GATC: variants seen among roughly 807,000 people sequenced by gnomAD.
GATC encodes glutamyl-tRNA amidotransferase subunit C, also known as glutamyl-tRNA(Gln) amidotransferase subunit C, mitochondrial.
Under a neutral mutation model 14.4 loss-of-function variants are expected in GATC, and 11 were observed. The ratio of observed to expected loss-of-function variants is 0.77; its 90% confidence interval spans 0.48 to 1.27. The LOEUF is 1.27. Ranked by LOEUF, GATC falls within the 50% of genes most tolerant of loss-of-function variation. The probability of loss-of-function intolerance (pLI) is 0.00; values close to 1 mark genes in which losing one functional copy is unlikely to be tolerated. For synonymous variants in GATC, 76 were observed against 79.3 expected, an observed-to-expected ratio of 0.96 and a Z score of 0.22; for missense variants, 204 against 183.0, an observed-to-expected ratio of 1.11 and a Z score of -0.66.
intron 3 of GATC, among the ~76,000 whole-genome samples, chr12:120,458,223 G>T (rs1230864402): frequency 2.0e-5 from 3 of 151,638 alleles, no homozygotes; most frequent in Non-Finnish European, 4.4e-5. Context: ...CGAGTAGCTG[G>T]GATTACAGGT....
intron 2 of GATC, among the ~76,000 whole-genome samples, chr12:120,455,451 G>A (rs904882374): frequency 7.2e-5 from 11 of 151,986 alleles, no homozygotes; most frequent in Admixed American, 3.3e-4. Flanking sequence ...TTACATGCAA[G>A]AGCCACCACA....
At chr12:120,452,317 CAG>C (rs1381443525) in intron 2 of GATC, among the ~76,000 whole-genome samples, 2 of 152,158 alleles carry the variant, frequency 1.3e-5, no homozygotes, top group Non-Finnish European at 2.9e-5. Flanking sequence ...ATTTGGAACT[CAG>C]AGCTTCTGCT....
intron 2 of GATC, among the ~76,000 whole-genome samples, chr12:120,449,511 G>A (rs546124524): frequency 1.3e-5 from 2 of 152,232 alleles, no homozygotes; most frequent in Admixed American, 6.5e-5. Context: ...AGGCAGTGGC[G>A]TGATCTCGGC....
At chr12:120,448,774 T>G (rs1438986830) in intron 2 of GATC, among the ~76,000 whole-genome samples, 1 of 148,776 alleles carries the variant, frequency 6.7e-6, no homozygotes, top group Non-Finnish European at 1.5e-5. Context: ...GCCTCCCGAG[T>G]AGCTGGGACT....
At chr12:120,455,017 A>T in intron 2 of GATC, 1 of 450,900 alleles carries the variant, frequency 2.2e-6, no homozygotes, top group South Asian at 1.6e-5. Context: ...CCTCCCAGGT[A>T]GCTGGGATTA....
intron 2 of GATC, 43 bp from the exon 3 acceptor site, chr12:120,457,033 C>A (rs1213222346): frequency 7.5e-7 from 1 of 1,325,094 alleles, no homozygotes; most frequent in Non-Finnish European, 1.1e-6. Context: ...CCCTAAAAGC[C>A]CCCTTCTCTG....
chr12:120,459,050 C>T (rs182120637), intron 3 of GATC, among the ~76,000 whole-genome samples: 7 of 152,222 alleles, frequency 4.6e-5, no homozygotes, highest in South Asian at 4.1e-4. Context: ...TTAGTAGAGA[C>T]GGGGTTTCAC....
intron 2 of GATC, among the ~76,000 whole-genome samples, chr12:120,454,142 G>A (rs906556430): frequency 2.6e-5 from 4 of 152,194 alleles, no homozygotes; most frequent in Admixed American, 1.3e-4. Flanking sequence ...TCAGATGCTA[G>A]GCAGGTTGTG....
At chr12:120,457,744 T>G (rs1019957476) in intron 3 of GATC, among the ~76,000 whole-genome samples, 1 of 151,946 alleles carries the variant, frequency 6.6e-6, no homozygotes, top group African/African-American at 2.4e-5. Flanking sequence ...TAGCTGGGAT[T>G]ACAGGCATGC....
chr12:120,456,527 CCCAG>C (rs1878189047), intron 2 of GATC, among the ~76,000 whole-genome samples: 2 of 152,232 alleles, frequency 1.3e-5, no homozygotes, highest in South Asian at 4.2e-4. Context: ...CAGACCACAC[CCCAG>C]CCTGCTAAAC....
rs1877863858 is a variant in GATC, at chr12:120,446,462, G to T, written c.-19G>T. The T allele has an allele frequency of 6.2e-7, 1 of 1,604,978 alleles. No individual in the cohort carries two copies. Among genetic ancestry groups the T allele is most frequent in the South Asian group, 1.1e-5 (1 of 90,556 alleles). ...CGGCGTTACGCGCGGGCGCACTGCGGGGGCCAAGGAAGGAAGAAATGTGGT... is the reference window on the plus strand; with the variant it reads ...CGGCGTTACGCGCGGGCGCACTGCGTGGGCCAAGGAAGGAAGAAATGTGGT... On this transcript the variant is annotated 5_prime_UTR_variant, in exon 1 of 4. Transcript: ENST00000551765.
chr12:120,456,410 G>C (rs1346809266), intron 2 of GATC, among the ~76,000 whole-genome samples: 1 of 152,078 alleles, frequency 6.6e-6, no homozygotes. Context: ...TATCAGATTG[G>C]GCTGAGATCC....
chr12:120,446,857 C>G (rs769206842), intron 2 of GATC, 28 bp downstream of exon 2: 2 of 1,570,180 alleles, frequency 1.3e-6, no homozygotes, highest in Non-Finnish European at 1.7e-6. Flanking sequence ...GCCCCGAAGC[C>G]TTGACCGTGG....
At chr12:120,446,979 A>C in intron 2 of GATC, 150 bp downstream of exon 2, 2 of 686,086 alleles carry the variant, frequency 2.9e-6, no homozygotes, top group African/African-American at 1.8e-5. Context: ...CAGTGGCTTC[A>C]CTCTTCCCCT....
intron 2 of GATC, among the ~76,000 whole-genome samples, chr12:120,451,683 A>G (rs1240362792): frequency 1.3e-5 from 2 of 149,960 alleles, no homozygotes; most frequent in African/African-American, 4.9e-5. Context: ...CAGAGGTTGC[A>G]GTGAGCCGAG....
chr12:120,457,314 G>A (rs1878212659), intron 3 of GATC, 135 bp downstream of exon 3: 9 of 700,880 alleles, frequency 1.3e-5, no homozygotes. Flanking sequence ...TGGCATTAAG[G>A]TGGCAGTAGG....
At chr12:120,447,075 TG>T (rs1877893872) in intron 2 of GATC, among the ~76,000 whole-genome samples, 1 of 132,694 alleles carries the variant, frequency 7.5e-6, no homozygotes, top group Non-Finnish European at 1.5e-5. Flanking sequence ...TTTGTTTGTT[TG>T]TTTTGTTTTT....
chr12:120,454,782 A>G (rs906213155), intron 2 of GATC, among the ~76,000 whole-genome samples: 1 of 151,826 alleles, frequency 6.6e-6, no homozygotes, highest in Non-Finnish European at 1.5e-5. Context: ...GTTACCTTTG[A>G]ATAGTATAAT....
intron 2 of GATC, among the ~76,000 whole-genome samples, chr12:120,456,361 C>T (rs971929713): frequency 6.6e-6 from 1 of 152,168 alleles, no homozygotes; most frequent in Non-Finnish European, 1.5e-5. Context: ...GGCACATCCA[C>T]CAAAGTGGCT....
Sources: allele counts gnomAD v4.1 joint callset (sites outside exome capture counted in the v4.1 genomes callset), GRCh38; gene constraint gnomAD v4.1.1; transcripts MANE v1.5; gene names NCBI Gene and HGNC (gene_info 2026-07-23, HGNC 2026-07-21).